The following PVRIG variants were observed in gnomAD, a reference collection of about 807,000 sequenced individuals.
PVRIG encodes the protein PVR related immunoglobulin domain containing.
PVRIG carries 16 observed loss-of-function variants against 21.9 expected under a neutral mutation model. The ratio of observed to expected loss-of-function variants is 0.73; its 90% CI spans 0.50 to 1.11. The LOEUF (loss-of-function observed/expected upper bound fraction) is 1.11. PVRIG is among the 50% of genes most tolerant of loss of function. The pLI is 0.00. For missense variants in PVRIG, 435 were observed against 445.7 expected (o/e 0.98, Z 0.22); for synonymous variants, 190 against 181.0 (o/e 1.05, Z -0.40).
exon 6 of PVRIG, chr7:100,221,035 CTGGTGGGCGTCA>C (rs1354595067): frequency 1.9e-6 from 3 of 1,613,124 alleles, no homozygotes; most frequent in African/African-American, 2.7e-5. Context: ...GGGGGCCGTC[CTGGTGGGCGTCA>C]CTCCCCACCC....
chr7:100,220,963 C>A, exon 6 of PVRIG: 2 of 1,588,972 alleles, frequency 1.3e-6, no homozygotes, highest in Non-Finnish European at 8.6e-7. Flanking sequence ...CTCTTCACGT[C>A]CCTTATGCCA....
At chr7:100,221,251 A>G in exon 6 of PVRIG, 1 of 1,559,584 alleles carries the variant, frequency 6.4e-7, no homozygotes, top group African/African-American at 1.4e-5. Flanking sequence ...GAGTTCGATG[A>G]GAGAGACCAT....
rs565886558 is a variant in PVRIG at position 100,220,950 on chromosome 7, C to T, written c.680C>T (p.Ala227Val). ...CAGGCACCAAGCCAGGCCTCCCAGG[C>T]TGCTCTTCACGTCCCTTATGCCACT... Residue 227 changes from alanine to valine, a missense_variant, in exon 6 of 6, where the codon GCT becomes GTT. Coordinates refer to ENST00000317271, the Ensembl canonical transcript of PVRIG. 1.9e-6 allele frequency: 3 copies of T among 1,581,614 alleles called. No individual in the cohort carries two copies. The East Asian group carries it at 6.7e-5, about 36-fold the overall frequency.
exon 6 of PVRIG, chr7:100,221,209 T>A: frequency 6.2e-7 from 1 of 1,606,600 alleles, no homozygotes; most frequent in Non-Finnish European, 8.5e-7. Flanking sequence ...TCCCTGACCC[T>A]CGGGGGCCCA....
exon 3 of PVRIG, chr7:100,220,257 C>A: frequency 6.4e-7 from 1 of 1,569,838 alleles, no homozygotes; most frequent in Non-Finnish European, 8.6e-7. Flanking sequence ...GGGGACCACG[C>A]TGGCTGTGTT....
exon 6 of PVRIG, chr7:100,221,277 T>C (rs754066287): frequency 5.3e-6 from 8 of 1,500,852 alleles, no homozygotes; most frequent in Non-Finnish European, 7.1e-6. Flanking sequence ...CACTGGGCTT[T>C]CCCCCTCCCA....
rs1803237053 is a variant in PVRIG, at chr7:100,221,244, T to G, written c.974T>G (p.Val325Gly). ...AGGGCCATGGAAGGACCCTTAGGAG[T>G]TCGATGAGAGAGACCATGAGGCCAC... Residue 325 changes from valine (V) to glycine (G), a missense_variant, in exon 6 of 6, where the codon GTT becomes GGT. By Grantham distance (109) the Val-to-Gly change is moderately radical. Coordinates refer to ENST00000317271, the Ensembl canonical transcript of PVRIG. The G allele has an allele frequency of 1.9e-6, 3 of 1,569,500 alleles. No homozygotes were observed. The African/African-American group carries it at 4.1e-5, about 21-fold the overall frequency.
Position 100,220,797 on chromosome 7 carries a change from C to T in PVRIG, c.634C>T (p.Gln212Ter). 2 of 1,606,448 alleles carry T rather than the reference C, an allele frequency of 1.2e-6. No homozygotes were observed. The highest frequency in any genetic ancestry group is 1.3e-5 in the African/African-American group (1 of 74,972). Reference sequence around the variant, plus strand: ...GCTCCAGCCGTCCCGCACCAGCCCCCAGGCACCGAGAGCACGAGCATGGGT... The same window carrying T: ...GCTCCAGCCGTCCCGCACCAGCCCCTAGGCACCGAGAGCACGAGCATGGGT... The change falls in exon 5 of 6, where the codon CAG (glutamine) becomes TAG (stop). Residue 212 changes from glutamine to a stop codon, truncating the protein, a stop_gained. Transcript: ENST00000317271. LOFTEE classifies it low-confidence loss of function (END_TRUNC).
At chr7:100,221,478 C>A (rs1287269991) in exon 6 of PVRIG, 2 of 455,610 alleles carry the variant, frequency 4.4e-6, no homozygotes, top group Non-Finnish European at 7.7e-6. Flanking sequence ...AACACAGTTT[C>A]TCTGATGTCG....
exon 6 of PVRIG, chr7:100,221,112 C>T: frequency 1.2e-6 from 2 of 1,613,994 alleles, no homozygotes; most frequent in African/African-American, 1.3e-5. Context: ...CCCATCCCTG[C>T]ACGTGGCAGC....
chr7:100,221,272 G>C, exon 6 of PVRIG: 2 of 1,514,582 alleles, frequency 1.3e-6, no homozygotes, highest in Non-Finnish European at 1.8e-6. Context: ...GAGGCCACTG[G>C]GCTTTCCCCC....
At chr7:100,220,805 G>A (rs201068842) in exon 5 of PVRIG, 11 of 1,606,512 alleles carry the variant, frequency 6.8e-6, no homozygotes, top group East Asian at 2.2e-5. Flanking sequence ...CCCAGGCACC[G>A]AGAGCACGAG....
At chr7:100,221,378 G>T in exon 6 of PVRIG, 1 of 662,868 alleles carries the variant, frequency 1.5e-6, no homozygotes, top group Non-Finnish European at 2.3e-6. Context: ...CTGCGGATGT[G>T]GTCTCTGTGT....
exon 5 of PVRIG, chr7:100,220,814 A>C: frequency 6.2e-7 from 1 of 1,606,888 alleles, no homozygotes. Context: ...CGAGAGCACG[A>C]GCATGGGTGA....
At chr7:100,219,478 G>A (rs1803058175) in intron 1 of PVRIG, 5 of 237,572 alleles carry the variant, frequency 2.1e-5, no homozygotes, top group South Asian at 2.0e-4. Flanking sequence ...GGCCTGCATT[G>A]CAGGTGTAAG....
At chr7:100,219,881 T>C in exon 2 of PVRIG, 2 of 1,521,570 alleles carry the variant, frequency 1.3e-6, no homozygotes, top group Non-Finnish European at 1.8e-6. Context: ...AGTGGCTGTT[T>C]GGCTGCTGAC....
exon 6 of PVRIG, chr7:100,221,166 G>C: frequency 6.2e-7 from 1 of 1,612,588 alleles, no homozygotes; most frequent in Non-Finnish European, 8.5e-7. Context: ...GCAGGGGAGA[G>C]GCCTCCTCAC....
exon 3 of PVRIG, chr7:100,220,209 C>T: frequency 1.3e-6 from 2 of 1,595,976 alleles, no homozygotes; most frequent in South Asian, 2.3e-5. Context: ...CTCCATCTCC[C>T]TGGTGACTGT....
exon 6 of PVRIG, chr7:100,221,387 G>A: frequency 1.5e-6 from 1 of 650,064 alleles, no homozygotes; most frequent in Non-Finnish European, 2.5e-6. Context: ...TGGTCTCTGT[G>A]TGTGCGTGTG....
Sources: gnomAD v4.1 joint callset for allele counts on GRCh38, gnomAD v4.1.1 for gene constraint, MANE v1.5 for transcripts, NCBI Gene and HGNC (gene_info 2026-07-23, HGNC 2026-07-21) for gene names.